The following CNTNAP2 variants were observed in gnomAD, a reference collection of about 807,000 sequenced individuals.
The protein encoded by CNTNAP2 is contactin-associated protein-like 2.
Under a neutral mutation model 155.2 loss-of-function variants are expected in CNTNAP2, and 98 were observed. The observed-to-expected ratio is 0.63, with a 90% confidence interval of 0.54 to 0.75. The LOEUF (loss-of-function observed/expected upper bound fraction) is 0.75, where lower values mean the gene tolerates loss of function less well. Ranked by LOEUF, CNTNAP2 falls within the 30% of genes least tolerant of loss-of-function variation. The probability of loss-of-function intolerance (pLI) is 0.00; values close to 1 mark genes in which losing one functional copy is unlikely to be tolerated. For missense variants in CNTNAP2, 1,727 were observed against 1,688.1 expected, an observed-to-expected ratio of 1.02 and a Z score of -0.40; for synonymous variants, 651 against 631.2, an observed-to-expected ratio of 1.03 and a Z score of -0.47.
intron 3 of CNTNAP2, among the ~76,000 whole-genome samples, chr7:146,986,224 C>G (rs1798112550): frequency 6.6e-6 from 1 of 152,170 alleles, no homozygotes; most frequent in African/African-American, 2.4e-5. Context: ...CATAGCTTAG[C>G]TCTCACTTAT....
intron 1 of CNTNAP2, among the ~76,000 whole-genome samples, chr7:146,589,961 A>G (rs1346346860): frequency 6.6e-6 from 1 of 152,194 alleles, no homozygotes; most frequent in Non-Finnish European, 1.5e-5. Flanking sequence ...GCTTTTGTAG[A>G]AAAAGCCTGA....
At chr7:147,464,458 C>T (rs1411983334) in intron 10 of CNTNAP2, among the ~76,000 whole-genome samples, 3 of 128,030 alleles carry the variant, frequency 2.3e-5, no homozygotes, top group African/African-American at 8.9e-5. Context: ...CAGAGTGAGA[C>T]TCCATCTAAA....
intron 13 of CNTNAP2, among the ~76,000 whole-genome samples, chr7:147,747,358 T>C (rs1249846618): frequency 2.6e-5 from 4 of 152,220 alleles, no homozygotes; most frequent in African/African-American, 9.6e-5. Flanking sequence ...CACAAGTGTT[T>C]TTAGGATTCC....
At chr7:146,717,362 A>AG (rs1212918591) in intron 1 of CNTNAP2, among the ~76,000 whole-genome samples, 2 of 151,438 alleles carry the variant, frequency 1.3e-5, no homozygotes, top group Non-Finnish European at 2.9e-5. Flanking sequence ...AAAAAAAAAA[A>AG]AAAAGCCATG....
At position 147,629,068 on chromosome 7, in the gene CNTNAP2, A is replaced by G. The variant is rs570567200; in HGVS notation, c.1898-10038A>G. 4.6e-5 allele frequency among the ~76,000 whole-genome samples: 7 copies of G among 152,202 alleles called. No homozygotes were observed. The South Asian group carries it at 1.5e-3, about 32-fold the overall frequency. On this transcript the variant is annotated intron_variant, in intron 12 of 23. Coordinates refer to ENST00000361727, the MANE Select transcript of CNTNAP2 (RefSeq NM_014141.6). ...GGGGGGGCTTCAATACTCCTCTGACAGCACTAGATAGTTCATCAAGACGAG... is the reference window on the plus strand; with the variant it reads ...GGGGGGGCTTCAATACTCCTCTGACGGCACTAGATAGTTCATCAAGACGAG...
At chr7:147,324,281 C>T (rs370154474) in intron 9 of CNTNAP2, among the ~76,000 whole-genome samples, 5 of 152,120 alleles carry the variant, frequency 3.3e-5, no homozygotes, top group African/African-American at 9.7e-5. Flanking sequence ...ACTCATTATA[C>T]ATCTTTTCAA....
chr7:147,465,558 A>T (rs1379946165), intron 10 of CNTNAP2, among the ~76,000 whole-genome samples: 1 of 152,220 alleles, frequency 6.6e-6, no homozygotes, highest in African/African-American at 2.4e-5. Context: ...AACATTTTTT[A>T]TATGTCTAAA....
At chr7:147,967,383 T>G (rs139952740) in intron 14 of CNTNAP2, among the ~76,000 whole-genome samples, 190 of 152,378 alleles carry the variant, frequency 1.2e-3, no homozygotes, top group African/African-American at 4.5e-3. Context: ...GATCTGTTTT[T>G]TTCTAGCTCA....
intron 1 of CNTNAP2, among the ~76,000 whole-genome samples, chr7:146,758,359 A>G (rs1175492451): frequency 1.3e-5 from 2 of 152,156 alleles, no homozygotes; most frequent in Admixed American, 1.3e-4. Context: ...GGCTGTGTGA[A>G]CATAAAACAT....
At chr7:146,370,775 G>A (rs1031632822) in intron 1 of CNTNAP2, among the ~76,000 whole-genome samples, 3 of 152,064 alleles carry the variant, frequency 2.0e-5, no homozygotes, top group Non-Finnish European at 4.4e-5. Context: ...TATGGCAAAT[G>A]TGTGTACTTA....
intron 13 of CNTNAP2, among the ~76,000 whole-genome samples, chr7:147,726,443 G>T (rs568059900): frequency 6.6e-6 from 1 of 151,982 alleles, no homozygotes; most frequent in Non-Finnish European, 1.5e-5. Context: ...CCAGTACACC[G>T]CAAAGAGGGT....
At chr7:147,278,890 T>C (rs956039950) in intron 8 of CNTNAP2, among the ~76,000 whole-genome samples, 3 of 151,340 alleles carry the variant, frequency 2.0e-5, no homozygotes, top group African/African-American at 7.3e-5. Context: ...GTGATAGGAT[T>C]TTATAACTGT....
intron 4 of CNTNAP2, among the ~76,000 whole-genome samples, chr7:147,077,278 C>T (rs1281104033): frequency 6.6e-6 from 1 of 151,874 alleles, no homozygotes; most frequent in African/African-American, 2.4e-5. Context: ...ACATTTGTAT[C>T]TTTAGTTCTA....
chr7:146,439,660 A>AT (rs1431711790), intron 1 of CNTNAP2, among the ~76,000 whole-genome samples: 1 of 151,334 alleles, frequency 6.6e-6, no homozygotes, highest in East Asian at 1.9e-4. Context: ...ACAAAACAGA[A>AT]TTTTTTCCTT....
intron 3 of CNTNAP2, among the ~76,000 whole-genome samples, chr7:146,967,829 A>G (rs1209953660): frequency 1.3e-5 from 2 of 151,976 alleles, no homozygotes; most frequent in Non-Finnish European, 2.9e-5. Flanking sequence ...TGCCCTGGCC[A>G]GAACTTCCAA....
At chr7:147,882,786 G>T (rs965320274) in intron 13 of CNTNAP2, among the ~76,000 whole-genome samples, 7 of 34,002 alleles carry the variant, frequency 2.1e-4, no homozygotes, top group African/African-American at 4.9e-4. Flanking sequence ...ACAGAACCCA[G>T]GAAATCCAAT....
chr7:146,486,471 C>T (rs1797061024), intron 1 of CNTNAP2, among the ~76,000 whole-genome samples: 1 of 152,126 alleles, frequency 6.6e-6, no homozygotes, highest in African/African-American at 2.4e-5. Context: ...ATCTGAGACA[C>T]AGGTGCCTTC....
At chr7:147,644,810 A>G (rs1000597375) in intron 13 of CNTNAP2, among the ~76,000 whole-genome samples, 3 of 152,208 alleles carry the variant, frequency 2.0e-5, no homozygotes, top group East Asian at 3.9e-4. Context: ...TCTTACATAC[A>G]TTGTAGTCAT....
intron 3 of CNTNAP2, among the ~76,000 whole-genome samples, chr7:146,852,368 A>T (rs1200097658): frequency 1.3e-5 from 2 of 151,966 alleles, no homozygotes; most frequent in Non-Finnish European, 2.9e-5. Flanking sequence ...CTTATATATG[A>T]CTCTCTGCAA....
Sources: allele counts gnomAD v4.1 joint callset (sites outside exome capture counted in the v4.1 genomes callset), GRCh38; gene constraint gnomAD v4.1.1; transcripts MANE v1.5; gene names NCBI Gene and HGNC (gene_info 2026-07-23, HGNC 2026-07-21).